Variants in TMEM17 observed in about 807,000 individuals in gnomAD.
TMEM17 encodes the protein transmembrane protein 17.
TMEM17 carries 15 observed loss-of-function variants against 19.1 expected under a neutral mutation model. The ratio of observed to expected loss-of-function variants is 0.78; its 90% CI spans 0.52 to 1.21. TMEM17 has a LOEUF of 1.21. Among genes scored for constraint, TMEM17 ranks in the 50% most tolerant of loss-of-function variants. TMEM17 has a pLI of 0.00. For missense variants in TMEM17, 245 were observed against 242.3 expected (o/e 1.01, Z -0.07); for synonymous variants, 103 against 86.9 (o/e 1.19, Z -1.03).
At chr2:62,462,956 T>A in the TMEM17 span, among the ~76,000 whole-genome samples, 1 of 152,164 alleles carries the variant, frequency 6.6e-6, no homozygotes, top group African/African-American at 2.4e-5. Context: ...TGTCCCCACC[T>A]CTTTCCTTGT....
the TMEM17 span, chr2:62,463,827 T>C: frequency 6.6e-6 from 1 of 152,170 alleles, no homozygotes; most frequent in African/African-American, 2.4e-5. Flanking sequence ...CCTGTGCCTA[T>C]AAAAACTCCA....
chr2:62,488,572 G>A, the TMEM17 span, among the ~76,000 whole-genome samples: 3 of 151,208 alleles, frequency 2.0e-5, no homozygotes, highest in East Asian at 5.8e-4. Context: ...AATTCTGACA[G>A]CTGTTATGAC....
the TMEM17 span, among the ~76,000 whole-genome samples, chr2:62,456,041 C>A: frequency 6.6e-6 from 1 of 152,190 alleles, no homozygotes; most frequent in Non-Finnish European, 1.5e-5. Context: ...TTTTTAAAAT[C>A]CAGAGACAGA....
At chr2:62,481,698 G>GGGGT in the TMEM17 span, among the ~76,000 whole-genome samples, 9 of 144,052 alleles carry the variant, frequency 6.2e-5, no homozygotes, top group African/African-American at 1.0e-4. Context: ...ACCCCTTAAA[G>GGGGT]GTGTGTGTGT....
chr2:62,478,207 A>G, the TMEM17 span, among the ~76,000 whole-genome samples: 1 of 152,288 alleles, frequency 6.6e-6, no homozygotes, highest in Non-Finnish European at 1.5e-5. Flanking sequence ...GAGTCTCCCT[A>G]TCCTGAGGGA....
chr2:62,468,333 A>G, the TMEM17 span, among the ~76,000 whole-genome samples: 1 of 152,110 alleles, frequency 6.6e-6, no homozygotes, highest in Non-Finnish European at 1.5e-5. Context: ...TCCCTGGACT[A>G]GCCTACACCC....
intron 1 of TMEM17, among the ~76,000 whole-genome samples, chr2:62,505,346 T>G (rs1016990507): frequency 1.3e-5 from 2 of 152,208 alleles, no homozygotes; most frequent in African/African-American, 4.8e-5. Flanking sequence ...TGTTACCTTA[T>G]GATAAGAGTT....
the TMEM17 span, among the ~76,000 whole-genome samples, chr2:62,485,526 C>G: frequency 2.0e-5 from 3 of 152,176 alleles, no homozygotes; most frequent in Non-Finnish European, 4.4e-5. Flanking sequence ...TTTTCCACCA[C>G]GACTTTGCCC....
At chr2:62,501,974 G>A (rs1679941537) in intron 3 of TMEM17, 1 of 163,094 alleles carries the variant, frequency 6.1e-6, no homozygotes, top group African/African-American at 2.4e-5. Flanking sequence ...AAAACCACGG[G>A]AATCTTTAGG....
At chr2:62,474,684 C>T in the TMEM17 span, among the ~76,000 whole-genome samples, 1 of 152,076 alleles carries the variant, frequency 6.6e-6, no homozygotes, top group African/African-American at 2.4e-5. Context: ...GCCCTGGGGG[C>T]TGGTAGCATG....
Position 62,505,679 on chromosome 2 carries a change from G to C in TMEM17, c.100+351C>G, listed in dbSNP as rs940439734. Among the ~76,000 whole-genome samples, 12 of 152,340 alleles carry C rather than the reference G, an allele frequency of 7.9e-5. No individual in the cohort carries two copies. The East Asian group carries it at 2.1e-3, about 27-fold the overall frequency. On this transcript the variant is annotated intron_variant, in intron 1 of 3. Coordinates refer to ENST00000335390, the MANE Select transcript of TMEM17 (RefSeq NM_198276.3). ...TGGGCCTTCGCTCTCGCGGCGCGCG[G>C]GGGACCAGCCTGTGCAGCAAGGGCG...
the TMEM17 span, among the ~76,000 whole-genome samples, chr2:62,477,950 C>T: frequency 6.6e-5 from 10 of 152,328 alleles, no homozygotes; most frequent in South Asian, 2.1e-4. Context: ...CGCCTTTCTG[C>T]GGGGCTCCCC....
the TMEM17 span, among the ~76,000 whole-genome samples, chr2:62,457,848 C>G: frequency 6.6e-6 from 1 of 151,322 alleles, no homozygotes; most frequent in Non-Finnish European, 1.5e-5. The surrounding 1 kb of genome is among the most constrained non-coding windows in gnomAD (Gnocchi z 4.2). Context: ...TGCCGCTGAA[C>G]CCAGGAACGG....
chr2:62,455,721 T>C, the TMEM17 span, among the ~76,000 whole-genome samples: 6 of 152,182 alleles, frequency 3.9e-5, no homozygotes, highest in African/African-American at 1.4e-4. Context: ...GAGCCGAAAT[T>C]GCACCACTGC....
At chr2:62,487,734 G>A in the TMEM17 span, among the ~76,000 whole-genome samples, 21 of 152,320 alleles carry the variant, frequency 1.4e-4, no homozygotes, top group Non-Finnish European at 2.8e-4. Context: ...TCGCTCTGTC[G>A]CCCAGGCTGG....
At chr2:62,462,782 A>G in the TMEM17 span, among the ~76,000 whole-genome samples, 2 of 152,226 alleles carry the variant, frequency 1.3e-5, no homozygotes, top group African/African-American at 4.8e-5. Context: ...CTCACCTGTA[A>G]AATGATAAAC....
chr2:62,466,735 C>T, the TMEM17 span, among the ~76,000 whole-genome samples: 2 of 152,156 alleles, frequency 1.3e-5, no homozygotes, highest in Non-Finnish European at 1.5e-5. Context: ...TGCGCTGACC[C>T]CGCCCATCAT....
At chr2:62,497,438 C>A (rs905817348), downstream of TMEM17, among the ~76,000 whole-genome samples, 3 of 152,198 alleles carry the variant, frequency 2.0e-5, no homozygotes, top group East Asian at 5.8e-4. Flanking sequence ...TTCTCATGTA[C>A]CCTTCCCACT....
chr2:62,488,646 C>T, the TMEM17 span, among the ~76,000 whole-genome samples: 11 of 152,050 alleles, frequency 7.2e-5, no homozygotes, highest in African/African-American at 2.7e-4. Context: ...CCCTCTGCAA[C>T]TCGACTAGGA....
Sources: gnomAD v4.1 joint callset for allele counts (sites outside exome capture counted in the v4.1 genomes callset) on GRCh38, gnomAD v4.1.1 for gene constraint, Gnocchi (gnomAD v3.1) non-coding constraint, MANE v1.5 for transcripts, NCBI Gene and HGNC (gene_info 2026-07-23, HGNC 2026-07-21) for gene names.